Variants in ARHGAP39 observed in about 807,000 individuals in gnomAD.
The protein encoded by ARHGAP39 is Rho GTPase activating protein 39.
Under a neutral mutation model 106.9 loss-of-function variants are expected in ARHGAP39, and 44 were observed. The observed-to-expected ratio is 0.41, with a 90% CI of 0.32 to 0.53. The LOEUF is 0.53. Among genes scored for constraint, ARHGAP39 ranks in the 20% least tolerant of loss-of-function variants. The pLI is 0.21. For missense variants in ARHGAP39, 1,496 were observed against 1,577.3 expected (o/e 0.95, Z 0.87); for synonymous variants, 768 against 693.2 (o/e 1.11, Z -1.69).
chr8:144,598,716 T>C (rs1458878143), intron 2 of ARHGAP39, among the ~76,000 whole-genome samples: 1 of 152,208 alleles, frequency 6.6e-6, no homozygotes, highest in Non-Finnish European at 1.5e-5. Context: ...CCACGTGCTC[T>C]TTCTCCAGTC....
At chr8:144,674,590 T>A (rs1013350699) in intron 1 of ARHGAP39, among the ~76,000 whole-genome samples, 1 of 152,194 alleles carries the variant, frequency 6.6e-6, no homozygotes, top group Non-Finnish European at 1.5e-5. Flanking sequence ...CTTCAGGCTG[T>A]CCCTGACTTG....
At chr8:144,580,758 G>GGGGGGGGGGGGGGGGGGC in intron 3 of ARHGAP39, 88 bp downstream of exon 3, 1 of 185,576 alleles carries the variant, frequency 5.4e-6, no homozygotes, top group Non-Finnish European at 1.1e-5. Context: ...CTCTCACCTG[G>GGGGGGGGGGGGGGGGGGC]CCCCGCCCAC....
intron 1 of ARHGAP39, among the ~76,000 whole-genome samples, chr8:144,615,186 T>A (rs1024735890): frequency 6.6e-6 from 1 of 152,182 alleles, no homozygotes; most frequent in Non-Finnish European, 1.5e-5. Flanking sequence ...CTGGGCGTGG[T>A]GGCACACGCC....
At chr8:144,667,154 C>T (rs1283729363) in intron 1 of ARHGAP39, among the ~76,000 whole-genome samples, 2 of 152,182 alleles carry the variant, frequency 1.3e-5, no homozygotes, top group Admixed American at 1.3e-4. Flanking sequence ...AAGGCAGATG[C>T]AGCACCCTGA....
chr8:144,555,972 G>A (rs990817178), intron 3 of ARHGAP39, among the ~76,000 whole-genome samples: 2 of 152,200 alleles, frequency 1.3e-5, no homozygotes, highest in Non-Finnish European at 2.9e-5. Context: ...AAGATGACCT[G>A]GGAAGGAAGC....
intron 2 of ARHGAP39, among the ~76,000 whole-genome samples, chr8:144,597,530 C>A (rs768940136): frequency 9.2e-5 from 14 of 152,338 alleles, no homozygotes; most frequent in Non-Finnish European, 1.8e-4. Context: ...ACAGAGAGCC[C>A]CTCGCTGCCC....
intron 1 of ARHGAP39, among the ~76,000 whole-genome samples, chr8:144,632,197 A>T (rs1054126271): frequency 2.0e-5 from 3 of 152,144 alleles, no homozygotes; most frequent in African/African-American, 7.2e-5. Context: ...ACACCTTAAG[A>T]TCCATGCACT....
At chr8:144,634,226 G>A (rs112267760) in intron 1 of ARHGAP39, among the ~76,000 whole-genome samples, 1 of 56,142 alleles carries the variant, frequency 1.8e-5, no homozygotes, top group Non-Finnish European at 3.5e-5. Flanking sequence ...ACTCCTGTCT[G>A]GAACTCCAGG....
At chr8:144,571,727 A>G (rs929062880) in intron 3 of ARHGAP39, among the ~76,000 whole-genome samples, 6 of 152,240 alleles carry the variant, frequency 3.9e-5, no homozygotes, top group Admixed American at 3.3e-4. Context: ...ACATGATTGT[A>G]TATTTAGAAA....
At chr8:144,690,758 C>T (rs1822725346), upstream of ARHGAP39, among the ~76,000 whole-genome samples, 1 of 151,792 alleles carries the variant, frequency 6.6e-6, no homozygotes. Flanking sequence ...GATCCTCCTG[C>T]CTCAGCCTCC....
chr8:144,540,758 C>A (rs1055404298), intron 6 of ARHGAP39, among the ~76,000 whole-genome samples: 17 of 152,134 alleles, frequency 1.1e-4, no homozygotes, highest in Admixed American at 7.9e-4. Context: ...AGTGACGTCA[C>A]CACTGCACTT....
intron 3 of ARHGAP39, among the ~76,000 whole-genome samples, chr8:144,570,266 C>T (rs968489763): frequency 1.7e-4 from 26 of 152,164 alleles, no homozygotes; most frequent in African/African-American, 5.8e-4. Context: ...GCTTATAAGC[C>T]GAGCAGAACG....
intron 2 of ARHGAP39, among the ~76,000 whole-genome samples, chr8:144,593,802 AAGAC>A (rs1313089156): frequency 5.9e-5 from 9 of 152,172 alleles, no homozygotes; most frequent in African/African-American, 2.2e-4. Context: ...AAAGAAAAAA[AAGAC>A]AGGCTGGGTG....
chr8:144,646,965 A>ATTTT lies in ARHGAP39; in HGVS notation c.-82+38717_-82+38720dup, dbSNP rs1174032022. 3.5e-5 allele frequency among the ~76,000 whole-genome samples: 4 copies of ATTTT among 114,630 alleles called. No individual in the cohort carries two copies. Among genetic ancestry groups the ATTTT allele is most frequent in the Non-Finnish European group, 5.5e-5 (3 of 54,564 alleles). The allele number at this position is 114,630 out of a possible 152,430, so 75.2% of individuals were successfully genotyped here. On this transcript the variant is annotated intron_variant, in intron 1 of 11. Transcript: ENST00000377307. This position sits in a 1 kb window ranked among gnomAD's most constrained non-coding sequence, Gnocchi z 5.7. ...TGGAGGCATCTGCTCTGCTCTGACC[A>ATTTT]TTTTTTTTTTTTTTTTTTTTTTGAG...
In ARHGAP39 at chr8:144,602,749, T is replaced by C. The variant is rs373061271; in HGVS notation, c.80+2786A>G. Among the ~76,000 whole-genome samples the C allele has an allele frequency of 2.6e-3, 340 of 129,042 alleles. 4 individuals are homozygous for C. Among genetic ancestry groups the C allele is most frequent in the African/African-American group, 9.1e-3 (305 of 33,526 alleles). 84.7% of individuals were successfully genotyped at this position (129,042 alleles called of 152,430 possible). A position where few individuals can be genotyped will look rare whatever the true frequency, so the allele number is the denominator to read the frequency against. ...ACCTGTGTGTGTGCATGGAGGCGTG[T>C]GTGTGAGCTCGTGTACCTGTGTGTA... On this transcript the variant is annotated intron_variant, in intron 2 of 11. Coordinates refer to ENST00000377307, the MANE Select transcript of ARHGAP39 (RefSeq NM_025251.3).
At chr8:144,662,779 T>C (rs2129691879) in intron 1 of ARHGAP39, among the ~76,000 whole-genome samples, 3 of 112,410 alleles carry the variant, frequency 2.7e-5, no homozygotes, top group Non-Finnish European at 3.7e-5. Context: ...CCTTGGACTG[T>C]TTCCCCCTCC....
chr8:144,679,611 T>C lies in ARHGAP39; in HGVS notation c.-82+6075A>G, dbSNP rs1277147176. Among the ~76,000 whole-genome samples the C allele has an allele frequency of 6.6e-6, 1 of 152,204 alleles. No individual in the cohort carries two copies. The highest frequency in any genetic ancestry group is 2.4e-5 in the African/African-American group (1 of 41,446). ...AACCCATCCTACAGAACATTGCCAA[T>C]TAAATCTCCCTAAACCATTAATCAG... On this transcript the variant is annotated intron_variant, in intron 1 of 11. Coordinates refer to ENST00000377307, the MANE Select transcript of ARHGAP39 (RefSeq NM_025251.3). The surrounding 1 kb of genome is among the most constrained non-coding windows in gnomAD (Gnocchi z 4.7).
rs374938732 is a variant in ARHGAP39 at position 144,547,300 on chromosome 8, G to A, written c.1786C>T (p.Pro596Ser). The change falls in exon 5 of 12, where the codon CCC (proline) becomes TCC (serine). Residue 596 changes from proline (P) to serine (S), a missense_variant. Pro to Ser is a moderately conservative substitution (Grantham distance 74, BLOSUM62 -1). This residue lies in a region of ARHGAP39 where 905 missense variants were observed against 816.4 expected (regional missense o/e 1.11). Transcript: ENST00000377307. This position sits in a 1 kb window ranked among gnomAD's most constrained non-coding sequence, Gnocchi z 5.2. ...CTGAAGGCCCGCACCACCGGCCCGG[G>A]CATGGGCAGTGGCAGGGCGCCGTCG... ...ESDGALPLPM[P>S]GPVVRAFSED... is the part of the protein sequence containing the mutation. 2.5e-6 allele frequency: 4 copies of A among 1,611,486 alleles called. No homozygotes were observed. The highest frequency in any genetic ancestry group is 3.4e-6 in the Non-Finnish European group (4 of 1,179,528).
intron 2 of ARHGAP39, among the ~76,000 whole-genome samples, chr8:144,598,898 T>C (rs950214510): frequency 1.3e-5 from 2 of 152,140 alleles, no homozygotes; most frequent in African/African-American, 4.8e-5. Context: ...CTTTAATATA[T>C]AAATTTGAGC....
Sources: gnomAD v4.1 joint callset for allele counts (sites outside exome capture counted in the v4.1 genomes callset) on GRCh38, gnomAD v4.1.1 for gene constraint, gnomAD v4.1.1 regional missense constraint, Gnocchi (gnomAD v3.1) non-coding constraint, MANE v1.5 for transcripts, NCBI Gene and HGNC (gene_info 2026-07-23, HGNC 2026-07-21) for gene names.